Variants in WNK4 observed in about 807,000 individuals in gnomAD.
The protein encoded by WNK4 is serine/threonine-protein kinase WNK4.
A neutral mutation model predicts 116.2 loss-of-function variants in WNK4; 94 were observed. The ratio of observed to expected loss-of-function variants is 0.81; its 90% CI spans 0.68 to 0.96. The LOEUF (loss-of-function observed/expected upper bound fraction) is 0.96, where lower values mean the gene tolerates loss of function less well. Ranked by LOEUF, WNK4 falls within the 40% of genes least tolerant of loss-of-function variation. The pLI, the probability that WNK4 is intolerant of heterozygous loss-of-function variation, is 0.00. For missense variants in WNK4, 1,542 were observed against 1,650.6 expected, an observed-to-expected ratio of 0.93 and a Z score of 1.14; for synonymous variants, 655 against 672.7, an observed-to-expected ratio of 0.97 and a Z score of 0.41.
At chr17:42,787,102 T>C (rs2054557347) in intron 6 of WNK4, among the ~76,000 whole-genome samples, 176 bp from the exon 7 acceptor site, 1 of 152,108 alleles carries the variant, frequency 6.6e-6, no homozygotes, top group South Asian at 2.1e-4. Context: ...TCCCACAAGG[T>C]TGTTTGGAGG....
rs1246958554 is a variant in WNK4, at chr17:42,796,927, C to T, written c.*239C>T. 11 of 753,496 alleles carry T rather than the reference C, an allele frequency of 1.5e-5. No individual in the cohort carries two copies. Among genetic ancestry groups the T allele is most frequent in the Non-Finnish European group, 2.3e-5 (11 of 477,822 alleles). The allele number at this position is 753,496 out of a possible 1,614,324, so 46.7% of individuals were successfully genotyped here. The stretch of plus-strand genomic sequence containing the variant: ...TGCCTACCATCTTCATCTCTAGCAC[C>T]TCCCCTGCCAAGAGTCAACCACTAA... On this transcript the variant is annotated 3_prime_UTR_variant, in exon 19 of 19. Coordinates refer to ENST00000246914, the MANE Select transcript of WNK4 (RefSeq NM_032387.5).
At position 42,783,954 on chromosome 17, in the gene WNK4, G is replaced by T; in HGVS notation, c.809G>T (p.Arg270Leu). 6.2e-7 allele frequency: 1 copy of T among 1,613,592 alleles called. No individual in the cohort carries two copies. The highest frequency in any genetic ancestry group is 8.5e-7 in the Non-Finnish European group (1 of 1,179,912). ...TCCCCCAGGTACCTGAGGCGGTTCC[G>T]GGAGATGAAGCCGCGGGTCCTTCAG... The part of the protein sequence containing the change: ...GTLKTYLRRF[R>L]EMKPRVLQRW... Residue 270 changes from arginine to leucine, a missense_variant, in exon 3 of 19, where the codon CGG becomes CTG. Coordinates refer to ENST00000246914, the MANE Select transcript of WNK4 (RefSeq NM_032387.5).
chr17:42,782,517 G>T lies in WNK4; in HGVS notation c.619-241G>T, dbSNP rs1305782697. On this transcript the variant is annotated intron_variant, in intron 1 of 18. Coordinates refer to ENST00000246914, the MANE Select transcript of WNK4 (RefSeq NM_032387.5). This position sits in a 1 kb window ranked among gnomAD's most constrained non-coding sequence, Gnocchi z 4.2. ...GGGACCGGGCTGCATAAAGGTGCTT[G>T]TGTCCAGCAGGGGGTCTAGGGGGCT... 2.0e-5 allele frequency among the ~76,000 whole-genome samples: 3 copies of T among 152,232 alleles called. No homozygotes were observed. The highest frequency in any genetic ancestry group is 6.5e-5 in the Admixed American group (1 of 15,294).
intron 11 of WNK4, 80 bp downstream of exon 11, chr17:42,788,877 C>A: frequency 8.7e-7 from 1 of 1,150,388 alleles, no homozygotes; most frequent in South Asian, 1.2e-5. Flanking sequence ...GGGCTGAAAC[C>A]CACTGATCCG....
intron 6 of WNK4, among the ~76,000 whole-genome samples, chr17:42,786,879 G>A (rs979055450): frequency 6.6e-6 from 1 of 152,136 alleles, no homozygotes; most frequent in Non-Finnish European, 1.5e-5. Flanking sequence ...TGACATGTTT[G>A]TTTTAGGGAC....
intron 1 of WNK4, among the ~76,000 whole-genome samples, chr17:42,781,557 T>A (rs2054483750): frequency 6.6e-6 from 1 of 152,066 alleles, no homozygotes; most frequent in African/African-American, 2.4e-5. Flanking sequence ...CACTTTAAAG[T>A]CTCCATACTC....
rs1280581432 is a variant in WNK4, at chr17:42,794,592, C to CG, written c.2296-20dup. On this transcript the variant is annotated intron_variant, in intron 12 of 18. Transcript: ENST00000246914. Reference sequence around the variant, plus strand: ...AGACTGCTCTTCCCCACTGTGACTGCGGACTCCTTTTTCTGCCTCAGGAGG... The same window carrying CG: ...AGACTGCTCTTCCCCACTGTGACTGCGGGACTCCTTTTTCTGCCTCAGGAGG... 9 of 1,613,586 alleles carry CG rather than the reference C, an allele frequency of 5.6e-6. No homozygotes were observed. In the African/African-American group the frequency reaches 8.0e-5, roughly 14 times the overall value.
At chr17:42,793,768 T>C in intron 12 of WNK4, 39 bp downstream of exon 12, 1 of 1,612,804 alleles carries the variant, frequency 6.2e-7, no homozygotes, top group Non-Finnish European at 8.5e-7. Flanking sequence ...GGAAATGGAC[T>C]CTCTGCTCCA....
chr17:42,780,766 G>T lies in WNK4; in HGVS notation c.68G>T (p.Arg23Leu). Residue 23 changes from arginine (R) to leucine (L), a missense_variant, in exon 1 of 19, where the codon CGG (arginine) becomes CTG (leucine). Around this residue, in one of 7 missense-constraint regions of WNK4, gnomAD observed 243 missense variants for 217.8 expected, o/e 1.12. Coordinates refer to ENST00000246914, the MANE Select transcript of WNK4 (RefSeq NM_032387.5). Reference protein sequence around the residue: ...MSQTEADLALRPPPPLGTAGQ... With the variant: ...MSQTEADLALLPPPPLGTAGQ... ...CAGACTGAGGCCGACCTGGCCCTGCGGCCCCCGCCTCCTCTTGGCACCGCG... is the reference window on the plus strand; with the variant it reads ...CAGACTGAGGCCGACCTGGCCCTGCTGCCCCCGCCTCCTCTTGGCACCGCG... The T allele has an allele frequency of 1.2e-6, 2 of 1,607,270 alleles. No homozygotes were observed. The highest frequency in any genetic ancestry group is 1.7e-4 in the Middle Eastern group (1 of 5,842).
In WNK4 at chr17:42,782,938, C is replaced by G. The variant is rs769501971; in HGVS notation, c.791+8C>G. 70 of 1,613,608 alleles carry G rather than the reference C, an allele frequency of 4.3e-5. 1 individual carries two copies. The highest frequency in any genetic ancestry group is 5.8e-5 in the Non-Finnish European group (68 of 1,179,886). ...CTCGGGCACGCTCAAGACGTGAGCTCTGCGCATGAGTGGGTGGGGAGAGGG... is the reference window on the plus strand; with the variant it reads ...CTCGGGCACGCTCAAGACGTGAGCTGTGCGCATGAGTGGGTGGGGAGAGGG... On this transcript the variant is annotated splice_region_variant and intron_variant, in intron 2 of 18. Coordinates refer to ENST00000246914, the MANE Select transcript of WNK4 (RefSeq NM_032387.5). This position sits in a 1 kb window ranked among gnomAD's most constrained non-coding sequence, Gnocchi z 4.2.
At chr17:42,790,845 C>T (rs1218088103) in intron 11 of WNK4, among the ~76,000 whole-genome samples, 3 of 152,078 alleles carry the variant, frequency 2.0e-5, no homozygotes, top group African/African-American at 7.2e-5. Context: ...GGGAGAAACA[C>T]CAGGCATCAG....
intron 11 of WNK4, among the ~76,000 whole-genome samples, chr17:42,791,685 G>T (rs1259681217): frequency 6.7e-6 from 1 of 150,322 alleles, no homozygotes; most frequent in South Asian, 2.1e-4. Flanking sequence ...TAGGCCGGGC[G>T]CAGTGGCTCA....
rs2054476822 is a variant in WNK4, at chr17:42,781,010, A to AC, written c.318dup (p.Glu107ArgfsTer38). The AC allele has an allele frequency of 6.2e-7, 1 of 1,609,220 alleles. No homozygotes were observed. The highest frequency in any genetic ancestry group is 8.5e-7 in the Non-Finnish European group (1 of 1,178,968). On this transcript the variant is annotated frameshift_variant, in exon 1 of 19. Coordinates refer to ENST00000246914, the MANE Select transcript of WNK4 (RefSeq NM_032387.5). LOFTEE classifies it high-confidence loss of function. ...GGAGCCCACCGCCTAGCTCCAAAGA[A>AC]CCCCCCGAGGGCACGTGGACCGAGG...
chr17:42,792,496 T>A (rs956536782), intron 11 of WNK4, among the ~76,000 whole-genome samples: 1 of 152,240 alleles, frequency 6.6e-6, no homozygotes, highest in African/African-American at 2.4e-5. Flanking sequence ...TTTTCTTACC[T>A]TGCAAATCTG....
intron 1 of WNK4, among the ~76,000 whole-genome samples, chr17:42,781,671 C>T (rs1481868391): frequency 1.3e-5 from 2 of 152,186 alleles, no homozygotes; most frequent in African/African-American, 4.8e-5. Context: ...CCCCTAAGTC[C>T]TGAGATCCTC....
chr17:42,786,053 A>G (rs1464440828), intron 6 of WNK4, among the ~76,000 whole-genome samples: 2 of 152,166 alleles, frequency 1.3e-5, no homozygotes, highest in Non-Finnish European at 2.9e-5. Flanking sequence ...AATAGCCTAC[A>G]TCTGTACATG....
In WNK4 at chr17:42,794,617, G is replaced by A. The variant is rs2054641871; in HGVS notation, c.2299G>A (p.Glu767Lys). The A allele has an allele frequency of 1.2e-6, 2 of 1,613,876 alleles. No homozygotes were observed. Among genetic ancestry groups the A allele is most frequent in the South Asian group, 2.2e-5 (2 of 91,060 alleles). The change falls in exon 13 of 19, where the codon GAG becomes AAG. Residue 767 changes from glutamate (E) to lysine (K), a missense_variant. Coordinates refer to ENST00000246914, the MANE Select transcript of WNK4 (RefSeq NM_032387.5). ...CGGACTCCTTTTTCTGCCTCAGGAG[G>A]AGCCAGCACCATTACCTGCCCTGCC... is the stretch of plus-strand genomic sequence containing the variant. The part of the protein sequence containing the change: ...AAEDTLSPQE[E>K]PAPLPALPVP...
intron 8 of WNK4, 91 bp downstream of exon 8, chr17:42,787,990 A>G: frequency 6.3e-7 from 1 of 1,597,790 alleles, no homozygotes; most frequent in African/African-American, 1.3e-5. Context: ...ATCCAGTCCC[A>G]TGTCCCTGGA....
Position 42,782,863 on chromosome 17 carries a change from T to A in WNK4, c.724T>A (p.Ser242Thr). 6.2e-7 allele frequency: 1 copy of A among 1,614,156 alleles called. No homozygotes were observed. The highest frequency in any genetic ancestry group is 8.5e-7 in the Non-Finnish European group (1 of 1,180,020). ...CGTCCGCTTCTATGATTCGTGGAAG[T>A]CGGTGCTGAGGGGCCAGGTTTGCAT... ...NIVRFYDSWK[S>T]VLRGQVCIVL... The change falls in exon 2 of 19, where the codon TCG (serine) becomes ACG (threonine). Residue 242 changes from serine to threonine, a missense_variant. Transcript: ENST00000246914. This position sits in a 1 kb window ranked among gnomAD's most constrained non-coding sequence, Gnocchi z 4.2.
Sources: allele counts gnomAD v4.1 joint callset (sites outside exome capture counted in the v4.1 genomes callset), GRCh38; gene constraint gnomAD v4.1.1; regional missense constraint gnomAD v4.1.1; non-coding constraint Gnocchi (gnomAD v3.1); transcripts MANE v1.5; gene names NCBI Gene and HGNC (gene_info 2026-07-23, HGNC 2026-07-21).